The following LRRC41 variants were observed in gnomAD, a reference collection of about 807,000 sequenced individuals.
The protein encoded by LRRC41 is leucine-rich repeat-containing protein 41.
A neutral mutation model predicts 72.1 loss-of-function variants in LRRC41; 17 were observed. That is an observed-to-expected ratio of 0.24 (90% CI 0.16 to 0.35). The LOEUF is 0.35. LRRC41 is among the 10% of genes least tolerant of loss of function. The pLI, the probability that LRRC41 is intolerant of heterozygous loss-of-function variation, is 1.00. For missense variants in LRRC41, 759 were observed against 1,065.0 expected (o/e 0.71, Z 4.00); for synonymous variants, 427 against 431.0 (o/e 0.99, Z 0.11).
Position 46,303,446 on chromosome 1 carries a change from G to A in LRRC41, c.-124C>T, listed in dbSNP as rs887474343. The A allele has an allele frequency of 3.1e-6, 3 of 971,174 alleles. No homozygotes were observed. Among genetic ancestry groups the A allele is most frequent in the Non-Finnish European group, 4.4e-6 (3 of 680,926 alleles). The allele number at this position is 971,174 out of a possible 1,614,324, so 60.2% of individuals were successfully genotyped here. A position where few individuals can be genotyped will look rare whatever the true frequency, so the allele number is the denominator to read the frequency against. ...TGAATTATTCTAAAGAAATTTCGAA[G>A]AAATTAGCACACTTTCCAAGTCTCT... On this transcript the variant is annotated 5_prime_UTR_variant, in exon 1 of 10. Transcript: ENST00000617190.
chr1:46,290,316 G>A (rs1296828586), intron 3 of LRRC41, among the ~76,000 whole-genome samples: 1 of 152,140 alleles, frequency 6.6e-6, no homozygotes, highest in Non-Finnish European at 1.5e-5. Flanking sequence ...GGCTGAGGTG[G>A]GAGGATCGCC....
rs146198836 is a variant in LRRC41, at chr1:46,290,692, T to C, written c.358-4193A>G. On this transcript the variant is annotated intron_variant, in intron 3 of 9. Transcript: ENST00000617190. Reference sequence around the variant, plus strand: ...TACAATATTAGCTCACTGAAACCTCTGCCTCCCGGGTTCAAGCAATTCTTG... The same window carrying C: ...TACAATATTAGCTCACTGAAACCTCCGCCTCCCGGGTTCAAGCAATTCTTG... Among the ~76,000 whole-genome samples, 304 of 151,380 alleles carry C rather than the reference T, an allele frequency of 2.0e-3. 7 individuals are homozygous for C. In the East Asian group the frequency reaches 0.04, roughly 20 times the overall value.
Position 46,279,277 on chromosome 1 carries a change from G to A in LRRC41, c.2144-20C>T, listed in dbSNP as rs1411865560. 2 of 1,612,534 alleles carry A rather than the reference G, an allele frequency of 1.2e-6. No homozygotes were observed. Among genetic ancestry groups the A allele is most frequent in the Non-Finnish European group, 1.7e-6 (2 of 1,178,606 alleles). On this transcript the variant is annotated intron_variant, in intron 8 of 9. Transcript: ENST00000617190. The surrounding 1 kb of genome is among the most constrained non-coding windows in gnomAD (Gnocchi z 4.5). ...CATTCCCTGGAGAGAAGGGGAGAAC[G>A]CCTATCACCTCCACCCAAGAACAGG...
At chr1:46,281,679 A>G (rs1239305730) in intron 4 of LRRC41, among the ~76,000 whole-genome samples, 2 of 152,250 alleles carry the variant, frequency 1.3e-5, no homozygotes, top group Non-Finnish European at 2.9e-5. Context: ...GCTGAATGAC[A>G]GGCACAGACA....
At position 46,302,512 on chromosome 1, in the gene LRRC41, G is replaced by A; in HGVS notation, c.199+612C>T. 8 of 985,304 alleles carry A rather than the reference G, an allele frequency of 8.1e-6. No individual in the cohort carries two copies. The highest frequency in any genetic ancestry group is 9.6e-6 in the Non-Finnish European group (8 of 829,892). 61.0% of individuals were successfully genotyped at this position (985,304 alleles called of 1,614,324 possible). A position where few individuals can be genotyped will look rare whatever the true frequency, so the allele number is the denominator to read the frequency against. On this transcript the variant is annotated intron_variant, in intron 1 of 9. Coordinates refer to ENST00000617190, the MANE Select transcript of LRRC41 (RefSeq NM_006369.5). This position sits in a 1 kb window ranked among gnomAD's most constrained non-coding sequence, Gnocchi z 4.7. ...CCCGTCAGCCCTGGGCCGTCAGACA[G>A]GCCGCGGCGCCCCGACCCTTTCGTT... is the stretch of plus-strand genomic sequence containing the variant.
intron 4 of LRRC41, among the ~76,000 whole-genome samples, chr1:46,282,110 C>G (rs1660790175): frequency 6.6e-6 from 1 of 151,348 alleles, no homozygotes; most frequent in Non-Finnish European, 1.5e-5. Context: ...TAGGAGAGTG[C>G]AAGGCATGAA....
chr1:46,278,255 T>A lies in LRRC41; in HGVS notation c.*610A>T. 6.2e-7 allele frequency: 1 copy of A among 1,613,678 alleles called. No individual in the cohort carries two copies. Among genetic ancestry groups the A allele is most frequent in the Non-Finnish European group, 8.5e-7 (1 of 1,179,896 alleles). ...TCACCTTCGTCTTCCACCAGCGTTC[T>A]CATGAGGAGCAGCGGGGCCTCCGCT... On this transcript the variant is annotated 3_prime_UTR_variant, in exon 10 of 10. Transcript: ENST00000617190.
Position 46,285,745 on chromosome 1 carries a change from G to A in LRRC41, c.1112C>T (p.Thr371Ile). ...PAATSSASSSTSSYKRAPASS... is the reference protein window; with the variant it reads ...PAATSSASSSISSYKRAPASS... ...AGCTGGTGCCCGTTTGTATGAGGAT[G>A]TAGAAGAAGAGGCAGAGGAGGTGGC... is the stretch of plus-strand genomic sequence containing the variant. Residue 371 changes from threonine to isoleucine, a missense_variant, in exon 4 of 10, where the codon ACA becomes ATA. Around this residue, in one of 4 missense-constraint regions of LRRC41, gnomAD observed 427 missense variants for 520.9 expected, o/e 0.82. Coordinates refer to ENST00000617190, the MANE Select transcript of LRRC41 (RefSeq NM_006369.5). The surrounding 1 kb of genome is among the most constrained non-coding windows in gnomAD (Gnocchi z 5.3). The A allele has an allele frequency of 1.2e-6, 2 of 1,603,736 alleles. No homozygotes were observed. The highest frequency in any genetic ancestry group is 1.7e-6 in the Non-Finnish European group (2 of 1,174,776).
At position 46,285,803 on chromosome 1, in the gene LRRC41, G is replaced by A. The variant is rs771811456; in HGVS notation, c.1054C>T (p.Pro352Ser). Residue 352 changes from proline to serine, a missense_variant, in exon 4 of 10, where the codon CCT becomes TCT. Transcript: ENST00000617190. The surrounding 1 kb of genome is among the most constrained non-coding windows in gnomAD (Gnocchi z 5.3). ...GCAGAAGGTGACCGCTTGGTGCCAG[G>A]AGCCTCATGGGAGGTGGCTGGGGGG... ...LHPPATSHEA[P>S]GTKRSPSAPA... The A allele has an allele frequency of 1.9e-6, 3 of 1,595,096 alleles. No individual in the cohort carries two copies. The highest frequency in any genetic ancestry group is 1.8e-5 in the Admixed American group (1 of 56,430).
At position 46,303,346 on chromosome 1, in the gene LRRC41, G is replaced by T. The variant is rs1661289947; in HGVS notation, c.-24C>A. 1 of 1,484,036 alleles carries T rather than the reference G, an allele frequency of 6.7e-7. No homozygotes were observed. The allele number at this position is 1,484,036 out of a possible 1,614,324, so 91.9% of individuals were successfully genotyped here. On this transcript the variant is annotated 5_prime_UTR_variant, in exon 1 of 10. Transcript: ENST00000617190. ...ATCTTGGGGAGGTGCGCGAGCCCGA[G>T]AGTGTCGCCCGCGGACCGCCATCTT...
chr1:46,303,055 C>A, intron 1 of LRRC41, 69 bp downstream of exon 1: 1 of 1,343,830 alleles, frequency 7.4e-7, no homozygotes, highest in Middle Eastern at 2.1e-4. Flanking sequence ...GGCCTCGCCC[C>A]CCGCGCCCCC....
Position 46,281,035 on chromosome 1 carries a change from T to G in LRRC41, c.1756+90A>C, listed in dbSNP as rs1281760357. 3.3e-6 allele frequency: 5 copies of G among 1,532,080 alleles called. No individual in the cohort carries two copies. In the Admixed American group the frequency reaches 7.1e-5, roughly 22 times the overall value. The allele number at this position is 1,532,080 out of a possible 1,614,324, so 94.9% of individuals were successfully genotyped here. A position where few individuals can be genotyped will look rare whatever the true frequency, so the allele number is the denominator to read the frequency against. On this transcript the variant is annotated intron_variant, in intron 5 of 9. Coordinates refer to ENST00000617190, the MANE Select transcript of LRRC41 (RefSeq NM_006369.5). ...AGCCAGGAATGAGTGATAGAAGAGG[T>G]CCTTCCCCTTTCCCCATACGAATGC...
Position 46,280,451 on chromosome 1 carries a change from A to T in LRRC41, c.1866T>A (p.Asp622Glu). 1 of 1,614,212 alleles carries T rather than the reference A, an allele frequency of 6.2e-7. No individual in the cohort carries two copies. Among genetic ancestry groups the T allele is most frequent in the Non-Finnish European group, 8.5e-7 (1 of 1,180,028 alleles). ...ASGSLQQLSL[D>E]SATFASPQDF... ...CCTGGGGAGAGGCAAAGGTGGCACT[A>T]TCCAGGGACAGCTGCTGCAGAGAAC... Residue 622 changes from aspartate to glutamate, a missense_variant, in exon 6 of 10, where the codon GAT (aspartate) becomes GAA (glutamate). By Grantham distance (45) the Asp-to-Glu change is conservative (BLOSUM62 2). Around this residue, in one of 4 missense-constraint regions of LRRC41, gnomAD observed 427 missense variants for 520.9 expected, o/e 0.82. Coordinates refer to ENST00000617190, the MANE Select transcript of LRRC41 (RefSeq NM_006369.5).
Position 46,303,418 on chromosome 1 carries a change from A to T in LRRC41, c.-96T>A. 1 of 1,153,542 alleles carries T rather than the reference A, an allele frequency of 8.7e-7. No homozygotes were observed. The highest frequency in any genetic ancestry group is 1.6e-5 in the African/African-American group (1 of 63,668). The allele number at this position is 1,153,542 out of a possible 1,614,324, so 71.5% of individuals were successfully genotyped here. A position where few individuals can be genotyped will look rare whatever the true frequency, so the allele number is the denominator to read the frequency against. On this transcript the variant is annotated 5_prime_UTR_variant, in exon 1 of 10. Coordinates refer to ENST00000617190, the MANE Select transcript of LRRC41 (RefSeq NM_006369.5). The stretch of plus-strand genomic sequence containing the variant: ...GGCTCCATAAGCGATATGGGGAAGA[A>T]TGTGAATTATTCTAAAGAAATTTCG...
At chr1:46,298,995 A>G (rs1022140907) in intron 1 of LRRC41, 1 of 152,200 alleles carries the variant, frequency 6.6e-6, no homozygotes, top group Non-Finnish European at 1.5e-5. Context: ...CAGATTAACC[A>G]CTACCATCCT....
At chr1:46,292,159 C>T (rs1187206883) in intron 3 of LRRC41, among the ~76,000 whole-genome samples, 2 of 151,252 alleles carry the variant, frequency 1.3e-5, no homozygotes, top group Non-Finnish European at 2.9e-5. Flanking sequence ...ACTAAAAATA[C>T]AAAAAGTAGC....
intron 2 of LRRC41, 135 bp from the exon 3 acceptor site, chr1:46,297,768 G>T: frequency 1.6e-6 from 1 of 636,934 alleles, no homozygotes; most frequent in Non-Finnish European, 2.9e-6. Context: ...AAGACAGATT[G>T]CCTGGGTGTG....
chr1:46,303,052 C>G, intron 1 of LRRC41, 72 bp downstream of exon 1: 5 of 1,341,898 alleles, frequency 3.7e-6, no homozygotes, highest in Non-Finnish European at 4.8e-6. Context: ...CCCGGCCTCG[C>G]CCCCCGCGCC....
Position 46,285,962 on chromosome 1 carries a change from C to T in LRRC41, c.895G>A (p.Ala299Thr), listed in dbSNP as rs1352913183. ...PRRDAAERCA[A>T]ALMASRRKSE... ...TTACGCCGGCTGGCCATCAGGGCTG[C>T]AGCACATCGCTCAGCAGCATCCCGG... The change falls in exon 4 of 10, where the codon GCA (alanine) becomes ACA (threonine). Residue 299 changes from alanine (A) to threonine (T), a missense_variant. Coordinates refer to ENST00000617190, the MANE Select transcript of LRRC41 (RefSeq NM_006369.5). The surrounding 1 kb of genome is among the most constrained non-coding windows in gnomAD (Gnocchi z 5.3). The T allele has an allele frequency of 2.6e-6, 4 of 1,538,194 alleles. No homozygotes were observed. The South Asian group carries it at 3.8e-5, about 15-fold the overall frequency.
Sources: allele counts gnomAD v4.1 joint callset (sites outside exome capture counted in the v4.1 genomes callset), GRCh38; gene constraint gnomAD v4.1.1; regional missense constraint gnomAD v4.1.1; non-coding constraint Gnocchi (gnomAD v3.1); transcripts MANE v1.5; gene names NCBI Gene and HGNC (gene_info 2026-07-23, HGNC 2026-07-21).